ANK3: variants seen among roughly 807,000 people sequenced by gnomAD.
ANK3 encodes the protein ankyrin 3, also known as ankyrin-3.
In ANK3, 57 loss-of-function variants were observed where a neutral mutation model predicts 370.9. The ratio of observed to expected loss-of-function variants is 0.15; its 90% CI spans 0.12 to 0.19. The LOEUF is 0.19. Among genes scored for constraint, ANK3 ranks in the 10% least tolerant of loss-of-function variants. The pLI, the probability that ANK3 is intolerant of heterozygous loss-of-function variation, is 1.00. For synonymous variants in ANK3, 1,929 were observed against 1,946.3 expected, an observed-to-expected ratio of 0.99 and a Z score of 0.23; for missense variants, 4,439 against 5,302.1, an observed-to-expected ratio of 0.84 and a Z score of 5.06.
intron 1 of ANK3, among the ~76,000 whole-genome samples, chr10:60,655,784 T>C (rs1169233455): frequency 6.6e-6 from 1 of 152,192 alleles, no homozygotes; most frequent in African/African-American, 2.4e-5. Flanking sequence ...CTTCCAGTCC[T>C]GCAAGCTCCA....
At position 60,068,971 on chromosome 10, in the gene ANK3, GGTGGTGGTGGTGGCA is replaced by G. The variant is rs746540916; in HGVS notation, c.11895_11909del (p.Ala3966_Thr3970del). The G allele has an allele frequency of 4.3e-6, 7 of 1,610,196 alleles. No homozygotes were observed. The East Asian group carries it at 6.7e-5, about 15-fold the overall frequency. ...TGGTGGTGGTGGTAGTGGTGGTAGT[GGTGGTGGTGGTGGCA>G]GTGGTGGTGGTGGTAGTGACACAGG... On this transcript the variant is annotated inframe_deletion, in exon 37 of 44. Transcript: ENST00000280772.
chr10:60,427,682 T>C (rs1309785605), intron 2 of ANK3, among the ~76,000 whole-genome samples: 1 of 152,126 alleles, frequency 6.6e-6, no homozygotes, highest in Non-Finnish European at 1.5e-5. Context: ...TTAAAAAAAT[T>C]AGAGAAGGGC....
chr10:60,682,524 C>T (rs2133392866), intron 1 of ANK3, among the ~76,000 whole-genome samples: 1 of 152,220 alleles, frequency 6.6e-6, no homozygotes, highest in South Asian at 2.1e-4. Context: ...AGGCCGCAGG[C>T]ACAGGCCTCT....
At chr10:60,262,042 A>G in intron 6 of ANK3, 85 bp from the exon 7 acceptor site, 1 of 1,187,928 alleles carries the variant, frequency 8.4e-7, no homozygotes, top group Non-Finnish European at 1.2e-6. Flanking sequence ...GCCCAAATAA[A>G]AATGAGGAAG....
intron 2 of ANK3, among the ~76,000 whole-genome samples, chr10:60,563,631 A>G (rs1451651251): frequency 6.6e-6 from 1 of 152,212 alleles, no homozygotes. Flanking sequence ...TTTTGCTACC[A>G]AATGTGCTCA....
At chr10:60,634,828 A>G (rs2078531806) in intron 1 of ANK3, among the ~76,000 whole-genome samples, 1 of 151,956 alleles carries the variant, frequency 6.6e-6, no homozygotes, top group Non-Finnish European at 1.5e-5. Context: ...CGCCACCTTT[A>G]TGAGCTGTTA....
chr10:60,410,348 A>C (rs1205278016), intron 2 of ANK3, among the ~76,000 whole-genome samples: 3 of 151,946 alleles, frequency 2.0e-5, no homozygotes, highest in Non-Finnish European at 4.4e-5. Flanking sequence ...ATTTCTCCAC[A>C]CCAGGTGTTT....
Position 60,396,149 on chromosome 10 carries a change from G to A in ANK3, c.97-116510C>T, listed in dbSNP as rs549780059. Among the ~76,000 whole-genome samples, 18 of 152,224 alleles carry A rather than the reference G, an allele frequency of 1.2e-4. No homozygotes were observed. The South Asian group carries it at 3.3e-3, about 28-fold the overall frequency. Reference sequence around the variant, plus strand: ...TTCAATTCTTGAATATCGAGCCAGGGAGTAAACAAATAAAAAAATGAACAA... The same window carrying A: ...TTCAATTCTTGAATATCGAGCCAGGAAGTAAACAAATAAAAAAATGAACAA... On this transcript the variant is annotated intron_variant, in intron 2 of 43. Coordinates refer to the ANK3 transcript ENST00000373827.
chr10:60,302,670 T>G (rs2044080629), intron 1 of ANK3, among the ~76,000 whole-genome samples: 1 of 152,152 alleles, frequency 6.6e-6, no homozygotes, highest in Non-Finnish European at 1.5e-5. Flanking sequence ...CAGCAAATAG[T>G]AAACGTATGT....
At chr10:60,447,014 G>A (rs1412481651) in intron 2 of ANK3, among the ~76,000 whole-genome samples, 1 of 152,160 alleles carries the variant, frequency 6.6e-6, no homozygotes. Context: ...GGTTAGCGAA[G>A]GTATTAGGAA....
At chr10:60,195,242 G>C (rs2096566556) in intron 16 of ANK3, among the ~76,000 whole-genome samples, 1 of 152,130 alleles carries the variant, frequency 6.6e-6, no homozygotes, top group Admixed American at 6.5e-5. Flanking sequence ...AAATTGGCCA[G>C]GTGTGGTGGC....
chr10:60,455,619 C>T (rs770368748), intron 2 of ANK3, among the ~76,000 whole-genome samples: 3 of 152,096 alleles, frequency 2.0e-5, no homozygotes, highest in African/African-American at 4.8e-5. Context: ...ACATCACACT[C>T]GGAAATTACA....
intron 2 of ANK3, among the ~76,000 whole-genome samples, chr10:60,550,365 G>A (rs2077062029): frequency 1.3e-5 from 2 of 151,752 alleles, no homozygotes; most frequent in African/African-American, 4.8e-5. Context: ...TTCCTTTAAA[G>A]CTTGATACAA....
At position 60,169,051 on chromosome 10, in the gene ANK3, G is replaced by A. The variant is rs553040201; in HGVS notation, c.2479-2155C>T. Among the ~76,000 whole-genome samples the A allele has an allele frequency of 2.6e-5, 4 of 152,266 alleles. No homozygotes were observed. In the South Asian group the frequency reaches 8.3e-4, roughly 32 times the overall value. On this transcript the variant is annotated intron_variant, in intron 21 of 43. Transcript: ENST00000280772. The stretch of plus-strand genomic sequence containing the variant: ...AACAGAATAACTTACATTCCTTTGG[G>A]TATATACTCAGTAATGGGACTGCTG...
intron 2 of ANK3, among the ~76,000 whole-genome samples, chr10:60,417,738 A>G (rs967771035): frequency 6.6e-6 from 1 of 152,134 alleles, no homozygotes; most frequent in African/African-American, 2.4e-5. Context: ...ACAGAAATAA[A>G]TCAGATCCTA....
upstream of ANK3, among the ~76,000 whole-genome samples, chr10:60,392,256 A>C (rs2063127116): frequency 1.3e-5 from 2 of 152,240 alleles, no homozygotes; most frequent in African/African-American, 4.8e-5. Flanking sequence ...CCTTTATTAT[A>C]GCTGAAATGA....
chr10:60,081,592 TA>T (rs1260067568), intron 35 of ANK3: 1 of 388,800 alleles, frequency 2.6e-6, no homozygotes, highest in Non-Finnish European at 5.0e-6. Flanking sequence ...AGTAAGCAAA[TA>T]TTTTGTATCA....
chr10:60,265,273 T>C (rs767769732), intron 5 of ANK3, among the ~76,000 whole-genome samples: 45 of 152,342 alleles, frequency 3.0e-4, no homozygotes, highest in Non-Finnish European at 6.2e-4. Flanking sequence ...TCCCAGTTCC[T>C]AGCCTCTGGT....
chr10:60,215,180 A>G (rs1414069262), intron 8 of ANK3, among the ~76,000 whole-genome samples: 1 of 152,006 alleles, frequency 6.6e-6, no homozygotes, highest in Non-Finnish European at 1.5e-5. Flanking sequence ...GTGTCTGTTC[A>G]TATTCTTTGC....
Sources: allele counts gnomAD v4.1 joint callset (sites outside exome capture counted in the v4.1 genomes callset), GRCh38; gene constraint gnomAD v4.1.1; transcripts MANE v1.5; gene names NCBI Gene and HGNC (gene_info 2026-07-23, HGNC 2026-07-21).